Variants in GMDS observed in about 807,000 individuals in gnomAD.
GMDS encodes GDP-mannose 4,6 dehydratase.
GMDS carries 20 observed loss-of-function variants against 49.9 expected under a neutral mutation model. That is an observed-to-expected ratio of 0.40 (90% CI 0.28 to 0.58). The LOEUF is 0.58. GMDS is among the 20% of genes least tolerant of loss of function. The probability of loss-of-function intolerance (pLI) is 0.42; values close to 1 mark genes in which losing one functional copy is unlikely to be tolerated. For missense variants in GMDS, 362 were observed against 481.4 expected, an observed-to-expected ratio of 0.75 and a Z score of 2.32; for synonymous variants, 177 against 178.6, an observed-to-expected ratio of 0.99 and a Z score of 0.07.
At chr6:1,741,811 C>CCA (rs1767282048) in intron 8 of GMDS, among the ~76,000 whole-genome samples, 3 of 23,048 alleles carry the variant, frequency 1.3e-4, no homozygotes, top group African/African-American at 3.8e-4. Context: ...GACTCTGTCT[C>CCA]AAAAAAAAAA....
chr6:1,639,057 C>G (rs1364820450), intron 9 of GMDS, among the ~76,000 whole-genome samples: 1 of 152,180 alleles, frequency 6.6e-6, no homozygotes, highest in Non-Finnish European at 1.5e-5. Flanking sequence ...TGATCTCCGA[C>G]AGGTACCTGT....
chr6:1,903,356 T>A (rs3800123), intron 7 of GMDS, among the ~76,000 whole-genome samples: 19,551 of 152,260 alleles, frequency 0.13, 1,504 homozygotes, highest in East Asian at 0.26. Context: ...GCTTTTCATA[T>A]GAATTTCTTC....
At chr6:2,151,079 A>G (rs1265637026) in intron 1 of GMDS, among the ~76,000 whole-genome samples, 1 of 152,114 alleles carries the variant, frequency 6.6e-6, no homozygotes, top group Non-Finnish European at 1.5e-5. Context: ...GGTACAAAAA[A>G]TAGTTAGAAA....
chr6:1,992,630 T>C (rs1766023467), intron 4 of GMDS, among the ~76,000 whole-genome samples: 1 of 147,444 alleles, frequency 6.8e-6, no homozygotes, highest in Non-Finnish European at 1.5e-5. Flanking sequence ...CTGTGACCCA[T>C]GCCCACACTG....
intron 1 of GMDS, among the ~76,000 whole-genome samples, chr6:2,201,124 G>A (rs1779509756): frequency 1.4e-5 from 2 of 138,882 alleles, no homozygotes; most frequent in Non-Finnish European, 1.6e-5. Context: ...TGAAGAGAGA[G>A]CACCACATGA....
chr6:2,137,490 T>C lies in GMDS; in HGVS notation c.103-12759A>G, dbSNP rs148848867. On this transcript the variant is annotated intron_variant, in intron 1 of 10. Coordinates refer to ENST00000380815, the MANE Select transcript of GMDS (RefSeq NM_001500.4). ...CTGGGATTACAGGCATGCGTCACCA[T>C]ACCCGGCTAATTTTGTATTTTTTAG... 5.7e-3 allele frequency among the ~76,000 whole-genome samples: 867 copies of C among 152,182 alleles called. 2 individuals are homozygous for C. The highest frequency in any genetic ancestry group is 0.017 in the Middle Eastern group (5 of 294).
intron 1 of GMDS, among the ~76,000 whole-genome samples, chr6:2,137,244 T>C (rs1393657930): frequency 1.3e-5 from 2 of 152,172 alleles, no homozygotes; most frequent in Non-Finnish European, 2.9e-5. Context: ...GTTGACAAAT[T>C]ACCTTGTCCT....
intron 4 of GMDS, among the ~76,000 whole-genome samples, chr6:1,987,282 CTTTTTTTTTCT>C (rs1326070718): frequency 1.8e-5 from 1 of 55,782 alleles, no homozygotes; most frequent in East Asian, 4.3e-4. Flanking sequence ...CTTTTTTCAA[CTTTTTTTTTCT>C]TCCTTTCTAT....
intron 4 of GMDS, among the ~76,000 whole-genome samples, chr6:1,963,042 A>G (rs1764056677): frequency 6.6e-6 from 1 of 150,828 alleles, no homozygotes; most frequent in Non-Finnish European, 1.5e-5. Flanking sequence ...ACGCCCAGCT[A>G]ATTTTTGTAT....
At chr6:2,140,382 A>G (rs1776226309) in intron 1 of GMDS, among the ~76,000 whole-genome samples, 1 of 152,182 alleles carries the variant, frequency 6.6e-6, no homozygotes. Flanking sequence ...TCCAAAGGGA[A>G]CATGGCCTTT....
chr6:1,990,377 C>T (rs537855043), intron 4 of GMDS, among the ~76,000 whole-genome samples: 3 of 152,302 alleles, frequency 2.0e-5, no homozygotes, highest in African/African-American at 4.8e-5. Flanking sequence ...GTCCCTTTGG[C>T]CTTCCACTGT....
chr6:2,057,680 G>C (rs1770858969), intron 4 of GMDS, among the ~76,000 whole-genome samples: 1 of 152,140 alleles, frequency 6.6e-6, no homozygotes, highest in African/African-American at 2.4e-5. Flanking sequence ...TAGTAAAATT[G>C]AAGAAATAAA....
intron 7 of GMDS, among the ~76,000 whole-genome samples, chr6:1,915,830 G>A (rs1003008587): frequency 6.6e-6 from 1 of 152,214 alleles, no homozygotes; most frequent in African/African-American, 2.4e-5. Context: ...AGTAGTTCAT[G>A]CATTTTCAGT....
intron 9 of GMDS, among the ~76,000 whole-genome samples, chr6:1,626,408 G>A (rs979734844): frequency 6.6e-6 from 1 of 152,152 alleles, no homozygotes; most frequent in African/African-American, 2.4e-5. Flanking sequence ...TTAACATAGC[G>A]CTACAAGGAA....
At chr6:1,779,187 C>A (rs1768972543) in intron 7 of GMDS, among the ~76,000 whole-genome samples, 1 of 152,172 alleles carries the variant, frequency 6.6e-6, no homozygotes, top group Admixed American at 6.5e-5. Flanking sequence ...GACTTTCTGT[C>A]CAAGGCTCCA....
In GMDS at chr6:1,674,419, T is replaced by C. The variant is rs1455105445; in HGVS notation, c.988-49879A>G. Among the ~76,000 whole-genome samples, 3 of 152,174 alleles carry C rather than the reference T, an allele frequency of 2.0e-5. No homozygotes were observed. In the East Asian group the frequency reaches 5.8e-4, roughly 29 times the overall value. ...TTGTACATTCTAGATAATCAGTCCT[T>C]TACTGACTATGTGTATTGCAAAGCT... On this transcript the variant is annotated intron_variant, in intron 9 of 10. Coordinates refer to ENST00000380815, the MANE Select transcript of GMDS (RefSeq NM_001500.4).
intron 7 of GMDS, among the ~76,000 whole-genome samples, chr6:1,890,489 T>A (rs770159594): frequency 6.6e-6 from 1 of 152,090 alleles, no homozygotes; most frequent in Non-Finnish European, 1.5e-5. Context: ...TTATCAGATA[T>A]ATGACTTGCA....
intron 4 of GMDS, among the ~76,000 whole-genome samples, chr6:1,988,478 G>A (rs1054687822): frequency 9.1e-4 from 139 of 152,084 alleles, no homozygotes; most frequent in Admixed American, 2.0e-3. Flanking sequence ...GGGGCGAGGG[G>A]GGCTCCAAAC....
intron 4 of GMDS, among the ~76,000 whole-genome samples, chr6:2,069,036 C>G (rs1316938539): frequency 2.6e-5 from 4 of 152,106 alleles, no homozygotes; most frequent in Non-Finnish European, 5.9e-5. Context: ...GCTACAGTAA[C>G]CAAAACAGCA....
Sources: gnomAD v4.1 joint callset for allele counts (sites outside exome capture counted in the v4.1 genomes callset) on GRCh38, gnomAD v4.1.1 for gene constraint, MANE v1.5 for transcripts, NCBI Gene and HGNC (gene_info 2026-07-23, HGNC 2026-07-21) for gene names.